The following DDX10 variants were observed in gnomAD, a reference collection of about 807,000 sequenced individuals.
The protein encoded by DDX10 is DEAD-box helicase 10.
A neutral mutation model predicts 104.3 loss-of-function variants in DDX10; 74 were observed. That is an observed-to-expected ratio of 0.71 (90% CI 0.59 to 0.86). The LOEUF (loss-of-function observed/expected upper bound fraction) is 0.86. Among genes scored for constraint, DDX10 ranks in the 40% least tolerant of loss-of-function variants. DDX10 has a pLI of 0.00. For missense variants in DDX10, 952 were observed against 1,040.0 expected, an observed-to-expected ratio of 0.92 and a Z score of 1.16; for synonymous variants, 351 against 353.4, an observed-to-expected ratio of 0.99 and a Z score of 0.08.
At chr11:108,798,268 T>G (rs1465860641) in intron 13 of DDX10, among the ~76,000 whole-genome samples, 1 of 152,216 alleles carries the variant, frequency 6.6e-6, no homozygotes, top group African/African-American at 2.4e-5. Flanking sequence ...AATGAATTTT[T>G]CTGATCTTTT....
Position 108,715,889 on chromosome 11 carries a change from G to A in DDX10, c.1333G>A (p.Glu445Lys). 4 of 1,508,578 alleles carry A rather than the reference G, an allele frequency of 2.7e-6. No individual in the cohort carries two copies. Among genetic ancestry groups the A allele is most frequent in the Non-Finnish European group, 3.7e-6 (4 of 1,091,066 alleles). The allele number at this position is 1,508,578 out of a possible 1,614,324, so 93.4% of individuals were successfully genotyped here. A position where few individuals can be genotyped will look rare whatever the true frequency, so the allele number is the denominator to read the frequency against. The change falls in exon 11 of 18, where the codon GAA becomes AAA. Residue 445 changes from glutamate (E) to lysine (K), a missense_variant. By Grantham distance (56) the Glu-to-Lys change is moderately conservative (BLOSUM62 1). Transcript: ENST00000322536. ...VPVKEIKINP[E>K]KLIDVQKKLE... is the part of the protein sequence containing the mutation. ...CTTTTTGTTACAAAGAATCAATCCAGAAAAACTTATAGATGTCCAGAAAAA... is the reference window on the plus strand; with the variant it reads ...CTTTTTGTTACAAAGAATCAATCCAAAAAAACTTATAGATGTCCAGAAAAA...
intron 16 of DDX10, among the ~76,000 whole-genome samples, chr11:108,898,228 C>T (rs554176317): frequency 2.0e-5 from 3 of 152,152 alleles, no homozygotes; most frequent in Admixed American, 6.5e-5. Context: ...CAAAAAGAAT[C>T]GAGCCTTTTT....
rs148616872 is a variant in DDX10, at chr11:108,850,744, A to G, written c.2248-1409A>G. On this transcript the variant is annotated intron_variant, in intron 15 of 17. Coordinates refer to ENST00000322536, the MANE Select transcript of DDX10 (RefSeq NM_004398.4). ...TGTACGAACCTACAAAGTGAAGTCA[A>G]TGTTCCAGTGGAGGAGTATGAAGTG... Among the ~76,000 whole-genome samples the G allele has an allele frequency of 7.7e-3, 1,166 of 152,282 alleles. 13 individuals carry two copies. The highest frequency in any genetic ancestry group is 7.8e-3 in the Non-Finnish European group (531 of 67,988).
In DDX10 at chr11:108,689,146, G is replaced by A. The variant is rs1302119098; in HGVS notation, c.975+84G>A. The A allele has an allele frequency of 3.5e-6, 5 of 1,418,068 alleles. No individual in the cohort carries two copies. The African/African-American group carries it at 5.6e-5, about 16-fold the overall frequency. 87.8% of individuals were successfully genotyped at this position (1,418,068 alleles called of 1,614,324 possible). On this transcript the variant is annotated intron_variant, in intron 7 of 17. Coordinates refer to ENST00000322536, the MANE Select transcript of DDX10 (RefSeq NM_004398.4). Reference sequence around the variant, plus strand: ...AATCAATTAGACAAATTATTATATTGTACGAGAAGTACAGTGCTAGGTGTG... The same window carrying A: ...AATCAATTAGACAAATTATTATATTATACGAGAAGTACAGTGCTAGGTGTG...
chr11:108,921,286 T>C (rs1333205673), intron 17 of DDX10: 2 of 152,212 alleles, frequency 1.3e-5, no homozygotes, highest in Non-Finnish European at 2.9e-5. Context: ...ATTTGGAAGA[T>C]TGTATATACT....
chr11:108,785,641 T>C (rs911265075), intron 13 of DDX10, among the ~76,000 whole-genome samples: 2 of 152,194 alleles, frequency 1.3e-5, no homozygotes, highest in Admixed American at 6.5e-5. Context: ...AGTTGTACTT[T>C]CTTCCTGGTT....
rs1457751241 is a variant in DDX10 at position 108,723,211 on chromosome 11, A to G, written c.1714A>G (p.Arg572Gly). Reference protein sequence around the residue: ...GGKRLEGTEHRQDNDTGNEEQ... With the variant: ...GGKRLEGTEHGQDNDTGNEEQ... The stretch of plus-strand genomic sequence containing the variant: ...AAAAAGACTCGAAGGGACAGAGCAC[A>G]GACAGGATAATGATACTGGTAATGA... The change falls in exon 13 of 18, where the codon AGA becomes GGA. Residue 572 changes from arginine (R) to glycine (G), a missense_variant. Around this residue, in one of 3 missense-constraint regions of DDX10, gnomAD observed 533 missense variants for 534.1 expected, o/e 1.00. Coordinates refer to ENST00000322536, the MANE Select transcript of DDX10 (RefSeq NM_004398.4). The G allele has an allele frequency of 8.7e-6, 14 of 1,613,706 alleles. No homozygotes were observed. Among genetic ancestry groups the G allele is most frequent in the Non-Finnish European group, 1.2e-5 (14 of 1,179,892 alleles).
At chr11:108,810,485 G>A (rs1455170827) in intron 13 of DDX10, among the ~76,000 whole-genome samples, 2 of 152,076 alleles carry the variant, frequency 1.3e-5, no homozygotes, top group Non-Finnish European at 2.9e-5. Flanking sequence ...GGACTAGGGT[G>A]TGTGTGTGTG....
In DDX10 at chr11:108,719,023, T is replaced by C. The variant is rs564420984; in HGVS notation, c.1411-774T>C. ...CTTAAAAAATTACCTAGATGAGTTTTGTTATCTGTGTATTTGACAAACTGA... is the reference window on the plus strand; with the variant it reads ...CTTAAAAAATTACCTAGATGAGTTTCGTTATCTGTGTATTTGACAAACTGA... On this transcript the variant is annotated intron_variant, in intron 11 of 17. Transcript: ENST00000322536. Among the ~76,000 whole-genome samples the C allele has an allele frequency of 2.6e-5, 4 of 152,218 alleles. No homozygotes were observed. In the East Asian group the frequency reaches 7.7e-4, roughly 29 times the overall value.
chr11:108,797,983 C>T (rs914376243), intron 13 of DDX10, among the ~76,000 whole-genome samples: 1 of 152,200 alleles, frequency 6.6e-6, no homozygotes. Context: ...ACCGCAGTCT[C>T]CTCTTCGAAC....
chr11:108,820,194 T>C (rs1244224322), intron 13 of DDX10, among the ~76,000 whole-genome samples: 1 of 152,218 alleles, frequency 6.6e-6, no homozygotes, highest in Non-Finnish European at 1.5e-5. Context: ...GCGTGGTGTT[T>C]GGCACATGGC....
intron 16 of DDX10, among the ~76,000 whole-genome samples, chr11:108,874,290 A>G (rs1379589606): frequency 1.3e-5 from 2 of 152,308 alleles, no homozygotes; most frequent in East Asian, 3.9e-4. Context: ...AAACAGAATG[A>G]GCCCCCTCAT....
intron 13 of DDX10, among the ~76,000 whole-genome samples, chr11:108,746,753 G>C (rs577902791): frequency 6.6e-6 from 1 of 152,146 alleles, no homozygotes; most frequent in South Asian, 2.1e-4. Flanking sequence ...CATCTCACTA[G>C]ATAGGAAATA....
chr11:108,780,311 A>C (rs2094376457), intron 13 of DDX10, among the ~76,000 whole-genome samples: 1 of 152,210 alleles, frequency 6.6e-6, no homozygotes. Context: ...TAATATTTAC[A>C]TATCAGTTGT....
chr11:108,767,235 G>T (rs1014973992), intron 13 of DDX10: 1 of 152,214 alleles, frequency 6.6e-6, no homozygotes, highest in Non-Finnish European at 1.5e-5. Flanking sequence ...TTTATACTGA[G>T]ATGCTTTTGG....
chr11:108,903,480 T>C (rs1230864408), intron 16 of DDX10, among the ~76,000 whole-genome samples: 1 of 152,160 alleles, frequency 6.6e-6, no homozygotes, highest in Admixed American at 6.6e-5. Flanking sequence ...GAAAAATAGT[T>C]GAAAAAAATT....
chr11:108,678,335 G>A lies in DDX10; in HGVS notation c.558G>A (p.Glu186=), dbSNP rs1482675248. The part of the protein sequence containing the change: ...IGGKDLKHEA[E]RINNINILVC... Reference sequence around the variant, plus strand: ...TTCAGGATCTAAAACACGAAGCTGAGAGGATCAACAACATAAATATACTCG... The same window carrying A: ...TTCAGGATCTAAAACACGAAGCTGAAAGGATCAACAACATAAATATACTCG... The change falls in exon 5 of 18, where the codon GAG becomes GAA. Residue 186 remains glutamate, a synonymous_variant. Transcript: ENST00000322536. 6.2e-6 allele frequency: 10 copies of A among 1,610,572 alleles called. No homozygotes were observed. The East Asian group carries it at 2.2e-4, about 36-fold the overall frequency.
intron 13 of DDX10, among the ~76,000 whole-genome samples, chr11:108,797,599 A>G (rs902086566): frequency 6.6e-6 from 1 of 152,212 alleles, no homozygotes; most frequent in Non-Finnish European, 1.5e-5. Flanking sequence ...ATATGACCAG[A>G]GTTATAATTT....
In DDX10 at chr11:108,706,878, G is replaced by A. The variant is rs781046003; in HGVS notation, c.1322+41G>A. The A allele has an allele frequency of 1.0e-5, 16 of 1,540,764 alleles. No individual in the cohort carries two copies. The East Asian group carries it at 3.1e-4, about 30-fold the overall frequency. ...TGTCTTTATGTTTTTAGGAAAATGAGGGCATGAAATTGTTTGCTTAATTAT... is the reference window on the plus strand; with the variant it reads ...TGTCTTTATGTTTTTAGGAAAATGAAGGCATGAAATTGTTTGCTTAATTAT... On this transcript the variant is annotated intron_variant, in intron 10 of 17. Transcript: ENST00000322536.
Sources: gnomAD v4.1 joint callset for allele counts (sites outside exome capture counted in the v4.1 genomes callset) on GRCh38, gnomAD v4.1.1 for gene constraint, gnomAD v4.1.1 regional missense constraint, MANE v1.5 for transcripts, NCBI Gene and HGNC (gene_info 2026-07-23, HGNC 2026-07-21) for gene names.